The following CLCN5 variants were observed in gnomAD, a reference collection of about 807,000 sequenced individuals.
The protein encoded by CLCN5 is H(+)/Cl(-) exchange transporter 5.
Under a neutral mutation model 54.0 loss-of-function variants are expected in CLCN5, and 17 were observed. The ratio of observed to expected loss-of-function variants is 0.31; its 90% confidence interval spans 0.22 to 0.47. The LOEUF (loss-of-function observed/expected upper bound fraction) is 0.47. Ranked by LOEUF, CLCN5 falls within the 20% of genes least tolerant of loss-of-function variation. CLCN5 has a pLI of 1.00. For missense variants in CLCN5, 448 were observed against 646.7 expected (o/e 0.69, Z 3.33); for synonymous variants, 222 against 233.0 (o/e 0.95, Z 0.43).
chrX:50,066,599 T>A (rs1209612234), intron 4 of CLCN5, among the ~76,000 whole-genome samples: 1 of 111,806 alleles, frequency 8.9e-6, no homozygotes, highest in Non-Finnish European at 1.9e-5. Context: ...AGATAGCAAT[T>A]TTATTTTTCT....
At chrX:49,980,992 C>T (rs1557177614) in intron 3 of CLCN5, among the ~76,000 whole-genome samples, 1 of 111,489 alleles carries the variant, frequency 9.0e-6, no homozygotes, top group East Asian at 2.8e-4. Flanking sequence ...TTTAAATGTA[C>T]TTTTATTGTA....
chrX:50,063,095 A>G (rs1418608384), intron 4 of CLCN5, among the ~76,000 whole-genome samples: 2 of 106,970 alleles, frequency 1.9e-5, no homozygotes, highest in Admixed American at 2.0e-4. Context: ...CACAATTAAA[A>G]GAACTAGAAA....
intron 3 of CLCN5, among the ~76,000 whole-genome samples, chrX:49,926,555 C>T (rs1474119042): frequency 9.0e-6 from 1 of 111,689 alleles, no homozygotes; most frequent in Admixed American, 9.5e-5. Context: ...TGAGTAGGAG[C>T]AAATGAGAGA....
chrX:50,009,748 T>C (rs1234763555), intron 3 of CLCN5: 5 of 385,154 alleles, frequency 1.3e-5, no homozygotes, highest in Non-Finnish European at 2.6e-5. Flanking sequence ...CCTTTGTCCC[T>C]GGGTGAGAGT....
At chrX:50,077,845 A>C (rs1263981535) in intron 7 of CLCN5, among the ~76,000 whole-genome samples, 8 of 94,525 alleles carry the variant, frequency 8.5e-5, no homozygotes, top group Non-Finnish European at 1.2e-4. Flanking sequence ...AAAAAAAAAA[A>C]AAAACATGTA....
At chrX:49,950,767 A>G (rs1927006519) in intron 3 of CLCN5, among the ~76,000 whole-genome samples, 1 of 111,592 alleles carries the variant, frequency 9.0e-6, no homozygotes, top group Non-Finnish European at 1.9e-5. Context: ...ATATTTTGAT[A>G]CATGAAATAT....
At chrX:50,082,970 T>C (rs2147585383) in intron 9 of CLCN5, among the ~76,000 whole-genome samples, 1 of 111,339 alleles carries the variant, frequency 9.0e-6, no homozygotes, top group East Asian at 2.8e-4. Context: ...TATGCAGTTG[T>C]TAATGTATGC....
intron 9 of CLCN5, among the ~76,000 whole-genome samples, chrX:50,084,763 G>A (rs1233076063): frequency 1.8e-5 from 2 of 111,771 alleles, no homozygotes; most frequent in East Asian, 5.6e-4. Context: ...CATCATCAGC[G>A]GCAACCTTTT....
intron 3 of CLCN5, among the ~76,000 whole-genome samples, chrX:49,994,437 G>T (rs1929410945): frequency 9.0e-6 from 1 of 110,678 alleles, no homozygotes; most frequent in Non-Finnish European, 1.9e-5. Context: ...GGTAGTAGGA[G>T]AACCAGAATA....
rs141665472 is a variant in CLCN5, at chrX:50,098,362, C to T, written c.*6143C>T. On this transcript the variant is annotated 3_prime_UTR_variant, in exon 15 of 15. Coordinates refer to ENST00000376091, the MANE Select transcript of CLCN5 (RefSeq NM_001127898.4). ...TGACTCTTCTTCATTTGACCAAGGC[C>T]AGCCTCCTGTTCTTACCTCTGCCCA... The T allele has an allele frequency of 3.4e-3, 382 of 112,378 alleles. 1 individual carries two copies. Among genetic ancestry groups the T allele is most frequent in the Middle Eastern group, 0.014 (3 of 219 alleles). 9.3% of individuals were successfully genotyped at this position (112,378 alleles called of 1,213,427 possible). A position where few individuals can be genotyped will look rare whatever the true frequency, so the allele number is the denominator to read the frequency against.
At chrX:50,003,795 G>T (rs1557180985) in intron 3 of CLCN5, among the ~76,000 whole-genome samples, 1 of 106,115 alleles carries the variant, frequency 9.4e-6, no homozygotes, top group African/African-American at 3.9e-5. Context: ...TCAGGGATAG[G>T]CACAGCCTAG....
chrX:49,934,815 A>C (rs1252103781), intron 3 of CLCN5, among the ~76,000 whole-genome samples: 1 of 111,702 alleles, frequency 9.0e-6, no homozygotes, highest in Non-Finnish European at 1.9e-5. Flanking sequence ...ACGATAAGTT[A>C]CATCGTTGAC....
intron 3 of CLCN5, among the ~76,000 whole-genome samples, chrX:49,943,654 T>G (rs1303520951): frequency 1.8e-5 from 2 of 110,715 alleles, no homozygotes; most frequent in African/African-American, 6.6e-5. Flanking sequence ...ATTTATTAAC[T>G]AGGGAATCCT....
intron 3 of CLCN5, among the ~76,000 whole-genome samples, chrX:49,984,117 GATA>G (rs1928875101): frequency 9.0e-6 from 1 of 110,920 alleles, no homozygotes; most frequent in African/African-American, 3.3e-5. Flanking sequence ...TCATATTTGT[GATA>G]ATAAAAAATC....
At chrX:49,962,393 T>C (rs782115306) in intron 3 of CLCN5, among the ~76,000 whole-genome samples, 1 of 111,713 alleles carries the variant, frequency 9.0e-6, no homozygotes, top group South Asian at 3.8e-4. Context: ...TCAATGATGC[T>C]TCAAGACCCA....
chrX:50,012,844 A>G (rs781823255), intron 3 of CLCN5, among the ~76,000 whole-genome samples: 35 of 111,562 alleles, frequency 3.1e-4, no homozygotes, highest in Admixed American at 2.6e-3. Flanking sequence ...ATGCTCACTT[A>G]AGTTTGAGAA....
At chrX:49,939,930 T>G (rs1332808666) in intron 3 of CLCN5, among the ~76,000 whole-genome samples, 1 of 111,920 alleles carries the variant, frequency 8.9e-6, no homozygotes, top group Non-Finnish European at 1.9e-5. Flanking sequence ...CAGCAATCTC[T>G]TAACTCATCA....
At chrX:50,057,767 C>T (rs1297375259) in intron 4 of CLCN5, among the ~76,000 whole-genome samples, 1 of 108,130 alleles carries the variant, frequency 9.2e-6, no homozygotes, top group East Asian at 3.0e-4. Flanking sequence ...AGTGGGAAAA[C>T]AAAATAGAAG....
At position 50,088,813 on chromosome X, in the gene CLCN5, G is replaced by T; in HGVS notation, c.1673G>T (p.Ser558Ile). 8.3e-7 allele frequency: 1 copy of T among 1,211,779 alleles called. No individual in the cohort carries two copies. The highest frequency in any genetic ancestry group is 3.0e-5 in the East Asian group (1 of 33,850). ...YYHQEWTVFN[S>I]WCSQGADCIT... Reference sequence around the variant, plus strand: ...CACCAGGAATGGACCGTCTTCAATAGCTGGTGTAGTCAGGGAGCTGATTGC... The same window carrying T: ...CACCAGGAATGGACCGTCTTCAATATCTGGTGTAGTCAGGGAGCTGATTGC... Residue 558 changes from serine (S) to isoleucine (I), a missense_variant, in exon 12 of 15, where the codon AGC becomes ATC. Physicochemically the swap from Ser to Ile is moderately radical, Grantham distance 142 (BLOSUM62 -2). Around this residue, in one of 5 missense-constraint regions of CLCN5, gnomAD observed 297 missense variants for 470.4 expected, o/e 0.63. Transcript: ENST00000376091.
Sources: allele counts gnomAD v4.1 joint callset (sites outside exome capture counted in the v4.1 genomes callset), GRCh38; gene constraint gnomAD v4.1.1; regional missense constraint gnomAD v4.1.1; transcripts MANE v1.5; gene names NCBI Gene and HGNC (gene_info 2026-07-23, HGNC 2026-07-21).